Variants in THADA observed in about 807,000 individuals in gnomAD.
The protein encoded by THADA is THADA armadillo repeat containing.
THADA carries 213 observed loss-of-function variants against 219.8 expected under a neutral mutation model. That is an observed-to-expected ratio of 0.97 (90% CI 0.87 to 1.09). THADA has a LOEUF of 1.09. THADA is among the 50% of genes least tolerant of loss of function. THADA has a pLI of 0.00. For synonymous variants in THADA, 1,018 were observed against 828.9 expected (o/e 1.23, Z -3.92); for missense variants, 2,956 against 2,311.3 (o/e 1.28, Z -5.72).
intron 30 of THADA, among the ~76,000 whole-genome samples, chr2:43,335,831 G>A (rs1666353182): frequency 6.6e-6 from 1 of 151,462 alleles, no homozygotes. Flanking sequence ...AGGAGTGGTG[G>A]CTCACATCTG....
chr2:43,368,870 TC>T (rs1340842574), intron 29 of THADA, among the ~76,000 whole-genome samples: 1 of 152,126 alleles, frequency 6.6e-6, no homozygotes, highest in African/African-American at 2.4e-5. Context: ...ACCTACTGGC[TC>T]AAATTCTCTG....
chr2:43,567,852 C>T (rs1416762649), intron 14 of THADA, among the ~76,000 whole-genome samples: 2 of 152,194 alleles, frequency 1.3e-5, no homozygotes, highest in Admixed American at 6.5e-5. Flanking sequence ...CTTCCAAATC[C>T]GTTGGCCTAT....
chr2:43,440,283 C>G (rs1338575818), intron 26 of THADA, among the ~76,000 whole-genome samples: 14 of 152,106 alleles, frequency 9.2e-5, no homozygotes, highest in Non-Finnish European at 1.0e-4. Flanking sequence ...TATTTTCTTC[C>G]ATTTAATGGC....
chr2:43,562,217 C>T (rs1004421696), intron 15 of THADA: 9 of 151,936 alleles, frequency 5.9e-5, no homozygotes, highest in African/African-American at 2.2e-4. Context: ...CTTTCCTTTT[C>T]TTTCTTCTTT....
intron 26 of THADA, among the ~76,000 whole-genome samples, chr2:43,445,239 A>G (rs191314040): frequency 6.6e-6 from 1 of 152,206 alleles, no homozygotes; most frequent in South Asian, 2.1e-4. Flanking sequence ...AAGCATGCAC[A>G]TGCGTTTCAA....
rs1033855412 is a variant in THADA at position 43,345,765 on chromosome 2, G to A, written c.4228-1528C>T. On this transcript the variant is annotated intron_variant, in intron 29 of 37. Coordinates refer to ENST00000405975, the MANE Select transcript of THADA (RefSeq NM_022065.5). ...GGGCTTTTCATGGTGTCACAGGATCGCAATTAATCAGCAGACACCAGCAAA... is the reference window on the plus strand; with the variant it reads ...GGGCTTTTCATGGTGTCACAGGATCACAATTAATCAGCAGACACCAGCAAA... Among the ~76,000 whole-genome samples, 5 of 152,232 alleles carry A rather than the reference G, an allele frequency of 3.3e-5. No individual in the cohort carries two copies. In the East Asian group the frequency reaches 5.8e-4, roughly 18 times the overall value.
At chr2:43,448,560 C>CTTTTTTTTTTTTTTTTTTTTTTCTTTTTT (rs71410179) in intron 26 of THADA, among the ~76,000 whole-genome samples, 12 of 103,608 alleles carry the variant, frequency 1.2e-4, no homozygotes, top group Admixed American at 2.2e-4. Context: ...TTCTTCCTTT[C>CTTTTTTTTTTTTTTTTTTTTTTCTTTTTT]TTTTTTTTTT....
chr2:43,510,335 T>G (rs1690249412), intron 22 of THADA, among the ~76,000 whole-genome samples: 1 of 152,178 alleles, frequency 6.6e-6, no homozygotes, highest in Non-Finnish European at 1.5e-5. Context: ...TCGCTTATTA[T>G]TCTCTCTACT....
chr2:43,290,918 C>T (rs111539718), intron 34 of THADA, among the ~76,000 whole-genome samples: 5,816 of 152,058 alleles, frequency 0.038, 177 homozygotes, highest in South Asian at 0.17. Flanking sequence ...ACAGGTGGGG[C>T]GCATCTGGGC....
intron 29 of THADA, among the ~76,000 whole-genome samples, chr2:43,366,788 C>T (rs1670204754): frequency 6.6e-6 from 1 of 151,960 alleles, no homozygotes; most frequent in African/African-American, 2.4e-5. Context: ...GGGATATATC[C>T]CAAAGAATTG....
rs368947895 is a variant in THADA at position 43,578,534 on chromosome 2, C to T, written c.795G>A (p.Pro265=). The T allele has an allele frequency of 4.8e-5, 78 of 1,611,350 alleles. No homozygotes were observed. The highest frequency in any genetic ancestry group is 1.5e-4 in the African/African-American group (11 of 74,964). ...TTACCAAATGAGGAATCTTTTCAGA[C>T]GGGTGAAACATAGTCTTAATAAAAA... ...IILFIKTMFH[P]SEKIPHLISS... Residue 265 remains proline, a synonymous_variant, in exon 9 of 38, where the codon CCG becomes CCA. Transcript: ENST00000405975.
In THADA at chr2:43,476,960, A is replaced by C. The variant is rs557515867; in HGVS notation, c.3836+8274T>G. Among the ~76,000 whole-genome samples, 4 of 152,306 alleles carry C rather than the reference A, an allele frequency of 2.6e-5. No individual in the cohort carries two copies. In the South Asian group the frequency reaches 6.2e-4, roughly 24 times the overall value. ...AATTTTTAAAGGTCTACAATTATGA[A>C]ATTTTCCTAGATTCAAATGTATTGA... On this transcript the variant is annotated intron_variant, in intron 26 of 37. Coordinates refer to ENST00000405975, the MANE Select transcript of THADA (RefSeq NM_022065.5).
At chr2:43,514,570 A>T in intron 22 of THADA, among the ~76,000 whole-genome samples, 1 of 103,208 alleles carries the variant, frequency 9.7e-6, no homozygotes, top group South Asian at 2.8e-4. Flanking sequence ...AATATACATA[A>T]CATATATGTA....
intron 35 of THADA, among the ~76,000 whole-genome samples, chr2:43,284,852 A>G (rs766564118): frequency 1.3e-5 from 2 of 152,130 alleles, no homozygotes; most frequent in Non-Finnish European, 2.9e-5. Flanking sequence ...TTGGGAGCCC[A>G]CTCCCTGCAT....
chr2:43,317,713 C>A (rs927471236), intron 31 of THADA, among the ~76,000 whole-genome samples: 7 of 152,310 alleles, frequency 4.6e-5, no homozygotes, highest in Middle Eastern at 3.4e-3. Context: ...AGAAAATATG[C>A]TCCTACTGTT....
chr2:43,437,665 T>C (rs2104847399), intron 26 of THADA, among the ~76,000 whole-genome samples: 1 of 152,342 alleles, frequency 6.6e-6, no homozygotes, highest in Non-Finnish European at 1.5e-5. Context: ...GATGAGTTAC[T>C]GCCACTGTGC....
chr2:43,476,960 A>G (rs557515867), intron 26 of THADA, among the ~76,000 whole-genome samples: 2 of 152,188 alleles, frequency 1.3e-5, no homozygotes, highest in Non-Finnish European at 2.9e-5. Context: ...ACAATTATGA[A>G]ATTTTCCTAG....
intron 29 of THADA, among the ~76,000 whole-genome samples, chr2:43,344,883 C>A (rs1435740137): frequency 6.6e-6 from 1 of 151,902 alleles, no homozygotes; most frequent in African/African-American, 2.4e-5. Flanking sequence ...TATGTATGTA[C>A]TGGATTCAGC....
At chr2:43,376,715 C>T (rs1178775063) in intron 29 of THADA, among the ~76,000 whole-genome samples, 1 of 152,158 alleles carries the variant, frequency 6.6e-6, no homozygotes, top group African/African-American at 2.4e-5. Context: ...TTACAACACA[C>T]TTATCTCTAC....
Sources: gnomAD v4.1 joint callset for allele counts (sites outside exome capture counted in the v4.1 genomes callset) on GRCh38, gnomAD v4.1.1 for gene constraint, MANE v1.5 for transcripts, NCBI Gene and HGNC (gene_info 2026-07-23, HGNC 2026-07-21) for gene names.